ACTR3B: variants seen among roughly 807,000 people sequenced by gnomAD.
The protein encoded by ACTR3B is actin-related protein 3B.
Under a neutral mutation model 59.0 loss-of-function variants are expected in ACTR3B, and 8 were observed. The observed-to-expected ratio is 0.14, with a 90% CI of 0.08 to 0.24. The LOEUF (loss-of-function observed/expected upper bound fraction) is 0.24, where lower values mean the gene tolerates loss of function less well. Among genes scored for constraint, ACTR3B ranks in the 10% least tolerant of loss-of-function variants. ACTR3B has a pLI of 1.00. For synonymous variants in ACTR3B, 148 were observed against 197.9 expected (o/e 0.75, Z 2.12); for missense variants, 245 against 552.3 (o/e 0.44, Z 5.58).
intron 4 of ACTR3B, chr7:152,811,540 T>A (rs1286572287): frequency 1.3e-5 from 2 of 152,260 alleles, no homozygotes; most frequent in Admixed American, 1.3e-4. Context: ...TTATGCTTCA[T>A]GTTTTTAATG....
chr7:152,791,374 T>G (rs185807830), intron 2 of ACTR3B, among the ~76,000 whole-genome samples: 1 of 152,318 alleles, frequency 6.6e-6, no homozygotes, highest in Non-Finnish European at 1.5e-5. Flanking sequence ...TGTTTTATTT[T>G]CTAGTTTAAG....
At chr7:152,836,547 A>G (rs1179359868) in intron 9 of ACTR3B, among the ~76,000 whole-genome samples, 1 of 151,878 alleles carries the variant, frequency 6.6e-6, no homozygotes, top group Non-Finnish European at 1.5e-5. Flanking sequence ...TGATTGCACC[A>G]CTGCGCTCCA....
rs71182043 is a variant in ACTR3B, at chr7:152,789,064, A to AAAC, written c.100+5840_100+5842dup. Among the ~76,000 whole-genome samples the AAAC allele has an allele frequency of 7.2e-3, 992 of 137,818 alleles. 6 individuals carry two copies. The highest frequency in any genetic ancestry group is 0.028 in the South Asian group (121 of 4,398). The allele number at this position is 137,818 out of a possible 152,430, so 90.4% of individuals were successfully genotyped here. A position where few individuals can be genotyped will look rare whatever the true frequency, so the allele number is the denominator to read the frequency against. ...AACAACAACAACAAACAGCAACAACAAACAACAACAACAACAACAAAGCCC... is the reference window on the plus strand; with the variant it reads ...AACAACAACAACAAACAGCAACAACAAACAACAACAACAACAACAACAAAGCCC... On this transcript the variant is annotated intron_variant, in intron 2 of 11. Coordinates refer to ENST00000256001, the MANE Select transcript of ACTR3B (RefSeq NM_020445.6).
chr7:152,797,806 A>G (rs572762530), intron 2 of ACTR3B, among the ~76,000 whole-genome samples: 103 of 152,096 alleles, frequency 6.8e-4, no homozygotes, highest in African/African-American at 2.4e-3. Context: ...TGCCTGGCTT[A>G]TTTTACTTAA....
chr7:152,805,762 A>T (rs1301261573), intron 4 of ACTR3B, among the ~76,000 whole-genome samples: 3 of 152,176 alleles, frequency 2.0e-5, no homozygotes, highest in Non-Finnish European at 4.4e-5. Context: ...GGATTTGCTA[A>T]GTCACCTCCT....
intron 9 of ACTR3B, among the ~76,000 whole-genome samples, chr7:152,826,151 G>C (rs1796555585): frequency 6.6e-6 from 1 of 151,976 alleles, no homozygotes; most frequent in South Asian, 2.1e-4. Flanking sequence ...CCTGTGCCGT[G>C]GAATACTATG....
At chr7:152,849,993 A>G (rs929047938) in intron 9 of ACTR3B, among the ~76,000 whole-genome samples, 1 of 151,968 alleles carries the variant, frequency 6.6e-6, no homozygotes, top group Admixed American at 6.5e-5. Context: ...GTGGAAGGCC[A>G]GCTTCTTCAG....
chr7:152,790,571 G>T lies in ACTR3B; in HGVS notation c.100+7329G>T, dbSNP rs376381208. ...ACTGTAATTGCAAATATTTACTTGA[G>T]AACTTTGCATCAATATTCAAAAGTG... is the stretch of plus-strand genomic sequence containing the variant. On this transcript the variant is annotated intron_variant, in intron 2 of 11. Transcript: ENST00000256001. Among the ~76,000 whole-genome samples, 70 of 152,114 alleles carry T rather than the reference G, an allele frequency of 4.6e-4. No individual in the cohort carries two copies. In the East Asian group the frequency reaches 0.012, roughly 26 times the overall value.
chr7:152,783,743 A>G (rs1039084943), intron 2 of ACTR3B, among the ~76,000 whole-genome samples: 1 of 151,818 alleles, frequency 6.6e-6, no homozygotes, highest in Non-Finnish European at 1.5e-5. Flanking sequence ...GGGGCGTTCT[A>G]CTCACTCTTT....
intron 1 of ACTR3B, among the ~76,000 whole-genome samples, chr7:152,762,105 A>G (rs950243222): frequency 6.6e-6 from 1 of 152,242 alleles, no homozygotes; most frequent in African/African-American, 2.4e-5. Flanking sequence ...AGTGTGATAA[A>G]CAGTATTTTT....
intron 9 of ACTR3B, among the ~76,000 whole-genome samples, chr7:152,826,509 C>G (rs1052783049): frequency 7.9e-5 from 12 of 152,256 alleles, no homozygotes; most frequent in African/African-American, 2.9e-4. Context: ...AAACACTTGT[C>G]TAATACAAAG....
At chr7:152,760,954 A>G (rs1383855058) in intron 1 of ACTR3B, among the ~76,000 whole-genome samples, 1 of 152,122 alleles carries the variant, frequency 6.6e-6, no homozygotes, top group Non-Finnish European at 1.5e-5. Flanking sequence ...GTAACATGGC[A>G]TGTTCACCTT....
At chr7:152,807,201 C>T (rs2098254927) in intron 4 of ACTR3B, among the ~76,000 whole-genome samples, 1 of 152,204 alleles carries the variant, frequency 6.6e-6, no homozygotes, top group South Asian at 2.1e-4. Flanking sequence ...CCCTTCACTA[C>T]AGTAGAATTG....
intron 4 of ACTR3B, among the ~76,000 whole-genome samples, chr7:152,810,430 T>C (rs3111464): frequency 1.4e-5 from 2 of 140,266 alleles, no homozygotes; most frequent in Admixed American, 1.5e-4. Flanking sequence ...TTTTTTTTTG[T>C]TGTTGTTTTT....
chr7:152,805,537 G>C (rs1408395704), intron 4 of ACTR3B, among the ~76,000 whole-genome samples: 2 of 152,112 alleles, frequency 1.3e-5, no homozygotes, highest in Non-Finnish European at 2.9e-5. Context: ...GAAATCTCTA[G>C]GTAAAGTTAG....
At chr7:152,853,397 G>C (rs1369793195) in intron 10 of ACTR3B, 97 bp from the exon 11 acceptor site, 2 of 1,056,024 alleles carry the variant, frequency 1.9e-6, no homozygotes, top group Admixed American at 3.9e-5. Context: ...TAAGAGGAGG[G>C]CGGCCCTGGG....
intron 2 of ACTR3B, among the ~76,000 whole-genome samples, chr7:152,790,436 G>GCCT (rs2098191837): frequency 6.6e-6 from 1 of 152,074 alleles, no homozygotes; most frequent in Non-Finnish European, 1.5e-5. Flanking sequence ...TCCTGCCTCA[G>GCCT]CCTCCCAGAG....
intron 9 of ACTR3B, among the ~76,000 whole-genome samples, chr7:152,851,044 GAT>G (rs921581102): frequency 6.6e-6 from 1 of 152,162 alleles, no homozygotes; most frequent in African/African-American, 2.4e-5. Flanking sequence ...TGTCAGTGAG[GAT>G]ATGATTCAAG....
chr7:152,854,112 G>A lies in ACTR3B; in HGVS notation c.1162-346G>A, dbSNP rs1452332443. Among the ~76,000 whole-genome samples, 2 of 152,080 alleles carry A rather than the reference G, an allele frequency of 1.3e-5. No homozygotes were observed. The highest frequency in any genetic ancestry group is 2.4e-5 in the African/African-American group (1 of 41,386). ...GGGGTTACAGAAAACATGGTAAGTG[G>A]CATCCAAAAATAATCTAAAAAAGTC... On this transcript the variant is annotated intron_variant, in intron 11 of 11. Transcript: ENST00000256001. This position sits in a 1 kb window ranked among gnomAD's most constrained non-coding sequence, Gnocchi z 4.9.
Sources: allele counts gnomAD v4.1 joint callset (sites outside exome capture counted in the v4.1 genomes callset), GRCh38; gene constraint gnomAD v4.1.1; non-coding constraint Gnocchi (gnomAD v3.1); transcripts MANE v1.5; gene names NCBI Gene and HGNC (gene_info 2026-07-23, HGNC 2026-07-21).